Variants in COL15A1 observed in about 807,000 individuals in gnomAD.
COL15A1 encodes the protein collagen alpha-1(XV) chain.
COL15A1 carries 111 observed loss-of-function variants against 165.9 expected under a neutral mutation model. The observed-to-expected ratio is 0.67, with a 90% CI of 0.57 to 0.78. The LOEUF (loss-of-function observed/expected upper bound fraction) is 0.78, where lower values mean the gene tolerates loss of function less well. Ranked by LOEUF, COL15A1 falls within the 30% of genes least tolerant of loss-of-function variation. The pLI is 0.00. For synonymous variants in COL15A1, 659 were observed against 674.8 expected, an observed-to-expected ratio of 0.98 and a Z score of 0.36; for missense variants, 1,745 against 1,789.7, an observed-to-expected ratio of 0.98 and a Z score of 0.45.
At position 99,039,377 on chromosome 9, in the gene COL15A1, C is replaced by T. The variant is rs1447899933; in HGVS notation, c.2475+644C>T. Among the ~76,000 whole-genome samples, 4 of 152,256 alleles carry T rather than the reference C, an allele frequency of 2.6e-5. No homozygotes were observed. In the East Asian group the frequency reaches 7.7e-4, roughly 29 times the overall value. ...TACAAAAATTAGCTGGGCATGGTGG[C>T]ATGTGCCTGTAATCCTAGCTACTTG... On this transcript the variant is annotated intron_variant, in intron 22 of 41. Transcript: ENST00000375001.
chr9:98,990,281 G>A (rs555005364), intron 5 of COL15A1, among the ~76,000 whole-genome samples: 19 of 152,332 alleles, frequency 1.2e-4, no homozygotes, highest in South Asian at 2.1e-4. Context: ...TGTATGGGCC[G>A]GACTGGGGTA....
intron 3 of COL15A1, 113 bp downstream of exon 3, chr9:98,986,225 C>A: frequency 1.2e-6 from 1 of 868,412 alleles, no homozygotes; most frequent in Non-Finnish European, 1.8e-6. Context: ...CTCAAAGAAG[C>A]ATGCGTGTTA....
chr9:99,054,479 C>T, intron 31 of COL15A1, 97 bp from the exon 32 acceptor site: 1 of 1,359,354 alleles, frequency 7.4e-7, no homozygotes, highest in Non-Finnish European at 9.9e-7. Flanking sequence ...GTGGACTTTG[C>T]TAAATGAGCT....
chr9:99,015,526 C>G lies in COL15A1; in HGVS notation c.1463C>G (p.Pro488Arg), dbSNP rs1838915642. 1 of 1,613,778 alleles carries G rather than the reference C, an allele frequency of 6.2e-7. No homozygotes were observed. Among genetic ancestry groups the G allele is most frequent in the African/African-American group, 1.3e-5 (1 of 74,928 alleles). Residue 488 changes from proline to arginine, a missense_variant, in exon 10 of 42, where the codon CCC becomes CGC. Pro to Arg is a moderately radical substitution (Grantham distance 103, BLOSUM62 -2). Coordinates refer to ENST00000375001, the MANE Select transcript of COL15A1 (RefSeq NM_001855.5). ...ASGVPTDGLA[P>R]LTATMAPERA... is the part of the protein sequence containing the mutation. ...GGGGTCCCCACAGATGGCCTGGCTC[C>G]CCTCACAGCCACCATGGCCCCTGAG...
chr9:99,003,603 C>T lies in COL15A1; in HGVS notation c.1200+16C>T, dbSNP rs1458876890. 13 of 1,462,858 alleles carry T rather than the reference C, an allele frequency of 8.9e-6. No homozygotes were observed. The highest frequency in any genetic ancestry group is 2.6e-5 in the East Asian group (1 of 38,514). 90.6% of individuals were successfully genotyped at this position (1,462,858 alleles called of 1,614,324 possible). A position where few individuals can be genotyped will look rare whatever the true frequency, so the allele number is the denominator to read the frequency against. On this transcript the variant is annotated intron_variant, in intron 8 of 41. Transcript: ENST00000375001. ...GGTCACTCCAGTAAGTAGCTCAGAG[C>T]GCAAGCTCCCCTTCACCTGTGTCTG...
chr9:99,046,165 G>A (rs1227614495), intron 26 of COL15A1, among the ~76,000 whole-genome samples: 2 of 152,208 alleles, frequency 1.3e-5, no homozygotes, highest in Non-Finnish European at 2.9e-5. Flanking sequence ...GCCCAGCTTG[G>A]ACACAGCTTG....
In COL15A1 at chr9:99,018,250, CGTCTCTTAAGT is replaced by C. The variant is rs147017528; in HGVS notation, c.1648-2129_1648-2119del. On this transcript the variant is annotated intron_variant, in intron 11 of 41. Coordinates refer to ENST00000375001, the MANE Select transcript of COL15A1 (RefSeq NM_001855.5). ...GTCTACACATTGCATTTGGTTGATA[CGTCTCTTAAGT>C]GTCTCTTAATCTCTAATTGTCTCCC... 2.3e-3 allele frequency among the ~76,000 whole-genome samples: 355 copies of C among 152,302 alleles called. 4 individuals are homozygous for C. The East Asian group carries it at 0.03, about 13-fold the overall frequency.
intron 3 of COL15A1, among the ~76,000 whole-genome samples, chr9:98,986,736 C>T (rs774941965): frequency 6.6e-5 from 10 of 152,148 alleles, no homozygotes; most frequent in Admixed American, 1.3e-4. Flanking sequence ...GACAGCACCA[C>T]GGGGTGGAGT....
chr9:99,026,742 C>T (rs1839132814), intron 16 of COL15A1, among the ~76,000 whole-genome samples: 1 of 152,184 alleles, frequency 6.6e-6, no homozygotes, highest in South Asian at 2.1e-4. Flanking sequence ...CTGGGGAGCT[C>T]TCCCTGACTC....
intron 16 of COL15A1, among the ~76,000 whole-genome samples, chr9:99,028,544 G>A (rs530195772): frequency 6.6e-6 from 1 of 152,192 alleles, no homozygotes; most frequent in African/African-American, 2.4e-5. Flanking sequence ...CCAGCTGCTC[G>A]GGAGGCTGAG....
chr9:99,063,155 C>T, intron 39 of COL15A1, 46 bp downstream of exon 39: 1 of 1,538,072 alleles, frequency 6.5e-7, no homozygotes, highest in Non-Finnish European at 8.7e-7. Flanking sequence ...GAGTGTATAT[C>T]TGCTAAGTGC....
chr9:98,975,970 G>A (rs938723036), intron 2 of COL15A1, among the ~76,000 whole-genome samples: 3 of 152,208 alleles, frequency 2.0e-5, no homozygotes, highest in African/African-American at 7.2e-5. Flanking sequence ...GACACGGGGG[G>A]AGAATGAGGA....
intron 3 of COL15A1, among the ~76,000 whole-genome samples, 181 bp from the exon 4 acceptor site, chr9:98,987,113 C>A (rs1433377068): frequency 6.6e-6 from 1 of 152,114 alleles, no homozygotes; most frequent in Non-Finnish European, 1.5e-5. Flanking sequence ...CAAGGAGAGT[C>A]CCCCCATAAC....
Position 99,055,004 on chromosome 9 carries a change from C to T in COL15A1, c.3032-98C>T, listed in dbSNP as rs1444256682. 6 of 1,021,434 alleles carry T rather than the reference C, an allele frequency of 5.9e-6. No individual in the cohort carries two copies. In the African/African-American group the frequency reaches 9.5e-5, roughly 16 times the overall value. The allele number at this position is 1,021,434 out of a possible 1,614,324, so 63.3% of individuals were successfully genotyped here. ...TGTTAGCCAACCCAGTGCAGGCTCA[C>T]ATCCACTAAGATGTAACTGTGGTTG... On this transcript the variant is annotated intron_variant, in intron 32 of 41. Coordinates refer to ENST00000375001, the MANE Select transcript of COL15A1 (RefSeq NM_001855.5).
intron 2 of COL15A1, among the ~76,000 whole-genome samples, chr9:98,955,290 T>C (rs1484816842): frequency 6.6e-6 from 1 of 152,204 alleles, no homozygotes; most frequent in Non-Finnish European, 1.5e-5. Flanking sequence ...TTAGGGCAAT[T>C]CCTACTCTAA....
At chr9:98,983,383 A>G (rs986804888) in intron 2 of COL15A1, among the ~76,000 whole-genome samples, 7 of 152,182 alleles carry the variant, frequency 4.6e-5, no homozygotes, top group Non-Finnish European at 8.8e-5. Flanking sequence ...ACCCCGGTAC[A>G]GACTCCCCCA....
At position 99,022,149 on chromosome 9, in the gene COL15A1, C is replaced by T. The variant is rs139024384; in HGVS notation, c.1760C>T (p.Thr587Met). ...GAACCTTCTGGGCCTGTTGGACCCA[C>T]GGTGAGATTCCCATCCAGGCTTGTC... ...PPEPSGPVGP[T>M]AGAEAEGSGL... The change falls in exon 13 of 42, where the codon ACG (threonine) becomes ATG (methionine). Residue 587 changes from threonine to methionine, a missense_variant and splice_region_variant. By Grantham distance (81) the Thr-to-Met change is moderately conservative. Transcript: ENST00000375001. 30 of 1,614,132 alleles carry T rather than the reference C, an allele frequency of 1.9e-5. No homozygotes were observed. Among genetic ancestry groups the T allele is most frequent in the South Asian group, 6.6e-5 (6 of 91,086 alleles).
chr9:99,044,951 A>G (rs528440933), intron 26 of COL15A1, among the ~76,000 whole-genome samples, 181 bp downstream of exon 26: 1 of 152,344 alleles, frequency 6.6e-6, no homozygotes, highest in South Asian at 2.1e-4. Flanking sequence ...GTGATTTAAC[A>G]CAATAGCAGC....
At chr9:99,038,563 C>A in intron 21 of COL15A1, 105 bp from the exon 22 acceptor site, 1 of 727,354 alleles carries the variant, frequency 1.4e-6, no homozygotes, top group Non-Finnish European at 2.5e-6. Context: ...TCAGTGTCTG[C>A]GGTGTTCCGC....
Sources: gnomAD v4.1 joint callset for allele counts (sites outside exome capture counted in the v4.1 genomes callset) on GRCh38, gnomAD v4.1.1 for gene constraint, MANE v1.5 for transcripts, NCBI Gene and HGNC (gene_info 2026-07-23, HGNC 2026-07-21) for gene names.